The following BMERB1 variants were observed in gnomAD, a reference collection of about 807,000 sequenced individuals.
BMERB1 encodes the protein bMERB domain-containing protein 1.
BMERB1 carries 12 observed loss-of-function variants against 23.6 expected under a neutral mutation model. The observed-to-expected ratio is 0.51, with a 90% CI of 0.33 to 0.82. The LOEUF (loss-of-function observed/expected upper bound fraction) is 0.82. Among genes scored for constraint, BMERB1 ranks in the 40% least tolerant of loss-of-function variants. BMERB1 has a pLI of 0.03. For synonymous variants in BMERB1, 122 were observed against 96.6 expected (o/e 1.26, Z -1.54); for missense variants, 247 against 255.4 (o/e 0.97, Z 0.22).
chr16:15,547,070 T>C (rs970056047), intron 2 of BMERB1, among the ~76,000 whole-genome samples: 9 of 150,036 alleles, frequency 6.0e-5, no homozygotes, highest in Non-Finnish European at 1.2e-4. Context: ...TGGAGTGCAG[T>C]GGTGCGATCT....
intron 4 of BMERB1, 169 bp downstream of exon 4, chr16:15,581,500 G>T (rs1213068567): frequency 5.5e-6 from 3 of 541,842 alleles, no homozygotes; most frequent in Non-Finnish European, 9.8e-6. Context: ...TCTGGCTTGA[G>T]AATTCATTTT....
At chr16:15,486,656 A>C (rs1354665187) in intron 1 of BMERB1, among the ~76,000 whole-genome samples, 1 of 152,228 alleles carries the variant, frequency 6.6e-6, no homozygotes, top group Non-Finnish European at 1.5e-5. Context: ...GAGGGAAAAA[A>C]AGGTGTATGT....
intron 2 of BMERB1, 45 bp from the exon 3 acceptor site, chr16:15,567,938 G>A (rs368379713): frequency 2.3e-5 from 36 of 1,569,016 alleles, no homozygotes; most frequent in Non-Finnish European, 2.9e-5. Context: ...AGGGCGTAAT[G>A]CTCTGCTGAT....
At chr16:15,580,937 C>T (rs184506133) in intron 3 of BMERB1, among the ~76,000 whole-genome samples, 2 of 151,830 alleles carry the variant, frequency 1.3e-5, no homozygotes, top group Admixed American at 6.6e-5. Flanking sequence ...CATTCTGTTG[C>T]CCAGGCTGGA....
intron 1 of BMERB1, among the ~76,000 whole-genome samples, chr16:15,444,123 G>GTTTGTTTTTTTTTTT (rs2050966475): frequency 5.6e-5 from 2 of 35,610 alleles, no homozygotes; most frequent in Non-Finnish European, 9.2e-5. Flanking sequence ...CACCAGCTTT[G>GTTTGTTTTTTTTTTT]TTTTTTTTTT....
Position 15,578,097 on chromosome 16 carries a change from T to G in BMERB1, c.305-3120T>G, listed in dbSNP as rs182061334. On this transcript the variant is annotated intron_variant, in intron 3 of 5. Transcript: ENST00000300006. The stretch of plus-strand genomic sequence containing the variant: ...TCCCCTCTCCTTTCTTGCTCATGGC[T>G]GCCTGGCTACCTACTCTAACAGTAA... Among the ~76,000 whole-genome samples, 104 of 152,354 alleles carry G rather than the reference T, an allele frequency of 6.8e-4. 3 individuals carry two copies. The highest frequency in any genetic ancestry group is 1.5e-4 in the Non-Finnish European group (10 of 68,032).
At chr16:15,502,384 C>T (rs753387379) in intron 1 of BMERB1, 14 of 1,547,656 alleles carry the variant, frequency 9.0e-6, no homozygotes, top group South Asian at 2.4e-5. Flanking sequence ...AAGGTATGAT[C>T]GCTCTTGGGG....
intron 2 of BMERB1, among the ~76,000 whole-genome samples, chr16:15,533,794 A>G (rs1228177270): frequency 6.6e-6 from 1 of 152,216 alleles, no homozygotes; most frequent in Non-Finnish European, 1.5e-5. Flanking sequence ...GAACTCAGCC[A>G]TGACATTCCC....
intron 1 of BMERB1, chr16:15,447,891 T>A (rs1279813090): frequency 2.2e-6 from 1 of 455,780 alleles, no homozygotes; most frequent in Non-Finnish European, 4.4e-6. Context: ...TAGCATTTAT[T>A]TATTTATTTA....
chr16:15,520,056 A>T (rs1260293447), intron 2 of BMERB1, among the ~76,000 whole-genome samples: 1 of 151,854 alleles, frequency 6.6e-6, no homozygotes, highest in Non-Finnish European at 1.5e-5. Context: ...GCATGCATTC[A>T]CCCCTTAATT....
At chr16:15,569,167 G>C (rs2030660480) in intron 3 of BMERB1, among the ~76,000 whole-genome samples, 1 of 152,128 alleles carries the variant, frequency 6.6e-6, no homozygotes, top group Non-Finnish European at 1.5e-5. Flanking sequence ...AGTGAGGTGA[G>C]ATCTCACCAC....
chr16:15,490,925 C>T (rs1218687449), intron 1 of BMERB1, among the ~76,000 whole-genome samples: 1 of 152,194 alleles, frequency 6.6e-6, no homozygotes, highest in Non-Finnish European at 1.5e-5. Flanking sequence ...TCACTGTAAC[C>T]TCCACCGCCT....
At chr16:15,440,214 C>T (rs1451806894) in intron 1 of BMERB1, among the ~76,000 whole-genome samples, 1 of 137,800 alleles carries the variant, frequency 7.3e-6, no homozygotes, top group Non-Finnish European at 1.5e-5. Flanking sequence ...GGCTGCATTC[C>T]AGCCTGGGTG....
At chr16:15,561,123 T>A (rs910226169) in intron 2 of BMERB1, among the ~76,000 whole-genome samples, 12 of 151,378 alleles carry the variant, frequency 7.9e-5, no homozygotes, top group African/African-American at 2.7e-4. Flanking sequence ...CATGCCCGGC[T>A]AATTTTTGTA....
chr16:15,504,975 G>C (rs1317055386), intron 1 of BMERB1, among the ~76,000 whole-genome samples: 1 of 151,778 alleles, frequency 6.6e-6, no homozygotes, highest in Admixed American at 6.6e-5. Flanking sequence ...AATTGCCTTT[G>C]TTATATGAGC....
intron 2 of BMERB1, among the ~76,000 whole-genome samples, chr16:15,528,549 C>T (rs770590895): frequency 1.1e-4 from 16 of 152,046 alleles, no homozygotes; most frequent in Non-Finnish European, 2.1e-4. Context: ...ATCCATTCCT[C>T]ACCCCCAGCT....
chr16:15,561,026 G>C (rs1350075090), intron 2 of BMERB1, among the ~76,000 whole-genome samples: 1 of 124,504 alleles, frequency 8.0e-6, no homozygotes, highest in Non-Finnish European at 1.6e-5. Context: ...CACGATCTCA[G>C]CTCACCGCAA....
At chr16:15,497,087 A>C (rs1363668456) in intron 1 of BMERB1, among the ~76,000 whole-genome samples, 1 of 152,164 alleles carries the variant, frequency 6.6e-6, no homozygotes, top group Non-Finnish European at 1.5e-5. Context: ...TCCTGCTGAC[A>C]CTGTTACCAA....
At chr16:15,499,300 A>C (rs138136618) in intron 1 of BMERB1, among the ~76,000 whole-genome samples, 2,322 of 152,246 alleles carry the variant, frequency 0.015, 30 homozygotes, top group Non-Finnish European at 0.027. Context: ...TGGGAGGCTG[A>C]GGCAGGAGAA....
Sources: allele counts gnomAD v4.1 joint callset (sites outside exome capture counted in the v4.1 genomes callset), GRCh38; gene constraint gnomAD v4.1.1; transcripts MANE v1.5; gene names NCBI Gene and HGNC (gene_info 2026-07-23, HGNC 2026-07-21).